TCF20: variants seen among roughly 807,000 people sequenced by gnomAD.
TCF20 encodes the protein SPRE-binding protein.
In TCF20, 3 loss-of-function variants were observed where a neutral mutation model predicts 148.6. The ratio of observed to expected loss-of-function variants is 0.02; its 90% confidence interval spans 0.01 to 0.05. The LOEUF is 0.05. Among genes scored for constraint, TCF20 ranks in the 10% least tolerant of loss-of-function variants. The probability of loss-of-function intolerance (pLI) is 1.00; values close to 1 mark genes in which losing one functional copy is unlikely to be tolerated. For missense variants in TCF20, 2,350 were observed against 2,429.3 expected, an observed-to-expected ratio of 0.97 and a Z score of 0.69; for synonymous variants, 1,049 against 909.5, an observed-to-expected ratio of 1.15 and a Z score of -2.76.
Position 42,161,219 on chromosome 22 carries a change from G to T in TCF20, c.*184C>A. On this transcript the variant is annotated 3_prime_UTR_variant, in exon 6 of 6. Transcript: ENST00000677622. ...CCTGTGGTGTCACTGGTTTGAGTGTGATGTGAGAACTTAAGGAAGTGCTGG... is the reference window on the plus strand; with the variant it reads ...CCTGTGGTGTCACTGGTTTGAGTGTTATGTGAGAACTTAAGGAAGTGCTGG... 9.0e-7 allele frequency: 1 copy of T among 1,116,062 alleles called. No homozygotes were observed. Among genetic ancestry groups the T allele is most frequent in the Non-Finnish European group, 1.3e-6 (1 of 779,870 alleles). 69.1% of individuals were successfully genotyped at this position (1,116,062 alleles called of 1,614,324 possible).
At chr22:42,296,844 T>C (rs1927246857) in intron 1 of TCF20, among the ~76,000 whole-genome samples, 1 of 152,094 alleles carries the variant, frequency 6.6e-6, no homozygotes, top group African/African-American at 2.4e-5. Context: ...TTTTCGCGAA[T>C]GAGAAAGCAG....
rs959770608 is a variant in TCF20, at chr22:42,209,955, G to A, written c.5351C>T (p.Pro1784Leu). 3 of 1,613,692 alleles carry A rather than the reference G, an allele frequency of 1.9e-6. No homozygotes were observed. Among genetic ancestry groups the A allele is most frequent in the Non-Finnish European group, 2.5e-6 (3 of 1,180,010 alleles). Residue 1784 changes from proline (P) to leucine (L), a missense_variant, in exon 2 of 6, where the codon CCC becomes CTC. By Grantham distance (98) the Pro-to-Leu change is moderately conservative. Transcript: ENST00000677622. ...QKEQRSLAAH[P>L]RFKRRHRSED... ...CGAGCGGTGGCGCCGCTTAAACCTG[G>A]GGTGTGCGGCCAGGCTTCTCTGCTC...
At chr22:42,296,258 C>G (rs1214506272) in intron 1 of TCF20, among the ~76,000 whole-genome samples, 2 of 152,218 alleles carry the variant, frequency 1.3e-5, no homozygotes, top group Non-Finnish European at 2.9e-5. Flanking sequence ...TGTCCTTGAC[C>G]CCCAGCACAG....
At chr22:42,215,426 T>C (rs968856244) in intron 1 of TCF20, 85 bp from the exon 2 acceptor site, 12 of 1,460,082 alleles carry the variant, frequency 8.2e-6, no homozygotes, top group Non-Finnish European at 1.1e-5. Context: ...GGAATAAAGA[T>C]GAATCAGAGG....
intron 5 of TCF20, among the ~76,000 whole-genome samples, chr22:42,164,462 C>G (rs1011126516): frequency 2.0e-5 from 3 of 152,038 alleles, no homozygotes; most frequent in Non-Finnish European, 4.4e-5. Context: ...ATCTCCTGAC[C>G]TCGTGATCTG....
rs377443284 is a variant in TCF20 at position 42,316,062 on chromosome 22, C to T, written c.-37+27417G>A. ...GGCGGAGGTTGCAGTGAGCTGAGAT[C>T]GCGCCACTGCACTCCAGTCTGAGTG... On this transcript the variant is annotated intron_variant, in intron 1 of 1. Transcript: ENST00000515426. 2.7e-5 allele frequency among the ~76,000 whole-genome samples: 4 copies of T among 146,300 alleles called. No homozygotes were observed. The East Asian group carries it at 6.1e-4, about 22-fold the overall frequency.
At chr22:42,223,734 G>C (rs565078881) in intron 1 of TCF20, among the ~76,000 whole-genome samples, 1 of 152,288 alleles carries the variant, frequency 6.6e-6, no homozygotes, top group Admixed American at 6.5e-5. Flanking sequence ...TTGACTGCTT[G>C]TACCTAGATA....
At chr22:42,230,965 C>T (rs1034891568) in intron 1 of TCF20, among the ~76,000 whole-genome samples, 3 of 152,088 alleles carry the variant, frequency 2.0e-5, no homozygotes, top group Non-Finnish European at 4.4e-5. Flanking sequence ...TCCAGACCAG[C>T]CTGGCCAACA....
Position 42,341,336 on chromosome 22 carries a change from G to A in TCF20, c.-37+2143C>T, listed in dbSNP as rs573837854. On this transcript the variant is annotated intron_variant, in intron 1 of 1. Transcript: ENST00000515426. The stretch of plus-strand genomic sequence containing the variant: ...CGGGGAGCCCTGGCGCTCGGCCAGA[G>A]GGCCTGACATAACTCTCCCTGTTCC... Among the ~76,000 whole-genome samples the A allele has an allele frequency of 3.7e-4, 57 of 152,286 alleles. 1 individual carries two copies. The highest frequency in any genetic ancestry group is 1.3e-3 in the African/African-American group (54 of 41,562).
intron 5 of TCF20, among the ~76,000 whole-genome samples, chr22:42,163,100 G>A (rs1935565919): frequency 6.6e-6 from 1 of 152,216 alleles, no homozygotes; most frequent in African/African-American, 2.4e-5. Flanking sequence ...TCAAGGAGGG[G>A]ACAGGGCAGG....
intron 3 of TCF20, among the ~76,000 whole-genome samples, chr22:42,179,395 T>G (rs1264889958): frequency 6.8e-6 from 1 of 146,092 alleles, no homozygotes; most frequent in Admixed American, 6.8e-5. Context: ...TCATAAAAAT[T>G]TAAAAAAGAA....
chr22:42,327,093 G>A (rs1235056968), intron 1 of TCF20, among the ~76,000 whole-genome samples: 1 of 152,228 alleles, frequency 6.6e-6, no homozygotes, highest in East Asian at 1.9e-4. Context: ...CAACGATGAG[G>A]CGAGGGGCTA....
intron 1 of TCF20, among the ~76,000 whole-genome samples, chr22:42,335,823 G>T (rs1037144563): frequency 6.6e-6 from 1 of 152,008 alleles, no homozygotes; most frequent in Non-Finnish European, 1.5e-5. Context: ...TGGGGTGGGG[G>T]TGCCCCAGCA....
chr22:42,219,348 C>A, intron 1 of TCF20, among the ~76,000 whole-genome samples: 1 of 38,630 alleles, frequency 2.6e-5, no homozygotes, highest in African/African-American at 1.7e-4. Context: ...TGACAGTAAC[C>A]CTGTCTCAAA....
chr22:42,333,864 G>C (rs993711734), intron 1 of TCF20, among the ~76,000 whole-genome samples: 3 of 152,210 alleles, frequency 2.0e-5, no homozygotes, highest in Non-Finnish European at 4.4e-5. Context: ...GGCCCACCAC[G>C]ATGGCTCCTC....
At position 42,212,153 on chromosome 22, in the gene TCF20, G is replaced by A; in HGVS notation, c.3153C>T (p.Pro1051=). 1.2e-6 allele frequency: 2 copies of A among 1,614,212 alleles called. No individual in the cohort carries two copies. The highest frequency in any genetic ancestry group is 1.7e-6 in the Non-Finnish European group (2 of 1,180,044). ...CCAGGGTTTCTGAGTTGGGAGAAAA[G>A]GGAGTGTGTAAAGAACTCCGGTTAG... ...ERANRSSLHT[P]FSPNSETLAS... The change falls in exon 2 of 6, where the codon CCC becomes CCT. Residue 1051 remains proline (P), a synonymous_variant. Coordinates refer to ENST00000677622, the MANE Select transcript of TCF20 (RefSeq NM_001378418.1).
At chr22:42,302,572 C>G (rs1375567493) in intron 1 of TCF20, among the ~76,000 whole-genome samples, 1 of 152,228 alleles carries the variant, frequency 6.6e-6, no homozygotes, top group Non-Finnish European at 1.5e-5. Context: ...AAGGCAAAGA[C>G]AGAGACCGGC....
At chr22:42,300,069 T>G (rs1469137856) in intron 1 of TCF20, among the ~76,000 whole-genome samples, 1 of 152,128 alleles carries the variant, frequency 6.6e-6, no homozygotes, top group Non-Finnish European at 1.5e-5. Context: ...CTTCGTTCCT[T>G]CGCTGGTAGA....
intron 4 of TCF20, 39 bp downstream of exon 4, chr22:42,169,808 T>TC (rs1160710258): frequency 6.2e-7 from 1 of 1,611,298 alleles, no homozygotes; most frequent in Admixed American, 1.7e-5. Flanking sequence ...CCACCCTCGA[T>TC]CCCATCCCTG....
Sources: allele counts gnomAD v4.1 joint callset (sites outside exome capture counted in the v4.1 genomes callset), GRCh38; gene constraint gnomAD v4.1.1; transcripts MANE v1.5; gene names NCBI Gene and HGNC (gene_info 2026-07-23, HGNC 2026-07-21).